Variants in SERPINI1 observed in about 807,000 individuals in gnomAD.
The protein encoded by SERPINI1 is serpin family I member 1, also known as neuroserpin.
A neutral mutation model predicts 41.1 loss-of-function variants in SERPINI1; 19 were observed. The observed-to-expected ratio is 0.46, with a 90% confidence interval of 0.32 to 0.68. The LOEUF (loss-of-function observed/expected upper bound fraction) is 0.68, where lower values mean the gene tolerates loss of function less well. Ranked by LOEUF, SERPINI1 falls within the 30% of genes least tolerant of loss-of-function variation. The pLI is 0.03. For synonymous variants in SERPINI1, 138 were observed against 156.6 expected, an observed-to-expected ratio of 0.88 and a Z score of 0.89; for missense variants, 460 against 479.2, an observed-to-expected ratio of 0.96 and a Z score of 0.37.
chr3:167,791,376 C>G (rs185590599), intron 3 of SERPINI1, among the ~76,000 whole-genome samples: 2 of 152,090 alleles, frequency 1.3e-5, no homozygotes, highest in African/African-American at 4.8e-5. Context: ...TGAACAGATA[C>G]TCAATATCCC....
At chr3:167,772,856 CTCTCTCTCTATATATA>C (rs1417286707) in intron 1 of SERPINI1, among the ~76,000 whole-genome samples, 1 of 26,288 alleles carries the variant, frequency 3.8e-5, no homozygotes, top group African/African-American at 1.5e-4. Context: ...CTCTCTCTCT[CTCTCTCTCTATATATA>C]TATATATATA....
chr3:167,740,014 C>T (rs1281428964), intron 1 of SERPINI1, among the ~76,000 whole-genome samples: 1 of 131,182 alleles, frequency 7.6e-6, no homozygotes, highest in Non-Finnish European at 1.6e-5. Flanking sequence ...ATTAACCTGC[C>T]TTTTTCTTTT....
intron 1 of SERPINI1, among the ~76,000 whole-genome samples, chr3:167,780,958 T>C (rs1177432669): frequency 6.6e-6 from 1 of 152,154 alleles, no homozygotes; most frequent in Non-Finnish European, 1.5e-5. Context: ...TAATTGTCTG[T>C]GTGATGATCA....
chr3:167,791,492 A>T (rs1560009472), intron 3 of SERPINI1, among the ~76,000 whole-genome samples: 2 of 152,266 alleles, frequency 1.3e-5, no homozygotes, highest in African/African-American at 2.4e-5. Flanking sequence ...CTATGAGATT[A>T]AAAAAAGATG....
rs566381455 is a variant in SERPINI1, at chr3:167,792,674, A to C, written c.566A>C (p.Asn189Thr). Reference sequence around the variant, plus strand: ...ATTAATGCTGTCTATTTCAAGGGGAACTGGAAGTCGCAGTTTAGGCCTGAA... The same window carrying C: ...ATTAATGCTGTCTATTTCAAGGGGACCTGGAAGTCGCAGTTTAGGCCTGAA... ...ALINAVYFKG[N>T]WKSQFRPENT... Residue 189 changes from asparagine to threonine, a missense_variant, in exon 4 of 9, where the codon AAC (asparagine) becomes ACC (threonine). Asn to Thr is a moderately conservative substitution (Grantham distance 65). Coordinates refer to ENST00000446050, the MANE Select transcript of SERPINI1 (RefSeq NM_001122752.2). The C allele has an allele frequency of 6.2e-7, 1 of 1,613,800 alleles. No individual in the cohort carries two copies. Among genetic ancestry groups the C allele is most frequent in the Non-Finnish European group, 8.5e-7 (1 of 1,179,878 alleles).
At chr3:167,786,209 T>A (rs1727300599) in intron 1 of SERPINI1, among the ~76,000 whole-genome samples, 1 of 152,024 alleles carries the variant, frequency 6.6e-6, no homozygotes, top group Admixed American at 6.6e-5. Flanking sequence ...GATATAAGAC[T>A]TGGAGAAGAT....
chr3:167,821,198 G>A (rs1322832576), intron 6 of SERPINI1, among the ~76,000 whole-genome samples: 1 of 152,166 alleles, frequency 6.6e-6, no homozygotes, highest in Non-Finnish European at 1.5e-5. Context: ...CAAATGGCAG[G>A]ACTGAAAGAG....
At chr3:167,797,294 T>C (rs890527285) in intron 5 of SERPINI1, among the ~76,000 whole-genome samples, 4 of 152,162 alleles carry the variant, frequency 2.6e-5, no homozygotes, top group South Asian at 2.1e-4. Flanking sequence ...TTTCTGTAGG[T>C]TTTCTGTTCA....
At chr3:167,774,969 A>G (rs1303676343) in intron 1 of SERPINI1, among the ~76,000 whole-genome samples, 1 of 152,142 alleles carries the variant, frequency 6.6e-6, no homozygotes, top group Non-Finnish European at 1.5e-5. Flanking sequence ...AGCTACAAAT[A>G]TAATACAAAT....
chr3:167,790,263 A>G, intron 2 of SERPINI1, 109 bp from the exon 3 acceptor site: 1 of 770,382 alleles, frequency 1.3e-6, no homozygotes, highest in South Asian at 1.5e-5. Context: ...CTTTTCCCCC[A>G]GGTGCCTGTT....
intron 1 of SERPINI1, among the ~76,000 whole-genome samples, chr3:167,759,681 A>G (rs1392189000): frequency 6.6e-6 from 1 of 152,056 alleles, no homozygotes; most frequent in African/African-American, 2.4e-5. Context: ...TACAATGTTC[A>G]CTATTTGGGT....
At chr3:167,819,657 A>G (rs1712242815) in intron 6 of SERPINI1, among the ~76,000 whole-genome samples, 1 of 152,236 alleles carries the variant, frequency 6.6e-6, no homozygotes, top group Non-Finnish European at 1.5e-5. Context: ...GGTCCTCTGT[A>G]ACAGATGTAC....
At chr3:167,796,848 T>C (rs1056459842) in intron 5 of SERPINI1, among the ~76,000 whole-genome samples, 3 of 152,180 alleles carry the variant, frequency 2.0e-5, no homozygotes, top group Non-Finnish European at 1.5e-5. Flanking sequence ...ATCTTTATAA[T>C]AGAATGATTT....
chr3:167,787,193 C>G (rs995279062), intron 1 of SERPINI1, among the ~76,000 whole-genome samples: 1 of 152,144 alleles, frequency 6.6e-6, no homozygotes, highest in Non-Finnish European at 1.5e-5. Context: ...GGCAATAACA[C>G]CCATGGAGCT....
intron 1 of SERPINI1, among the ~76,000 whole-genome samples, chr3:167,772,895 C>CATATATATATATATAT (rs1338559053): frequency 1.5e-4 from 5 of 34,372 alleles, no homozygotes; most frequent in African/African-American, 8.4e-4. Context: ...TATATATATA[C>CATATATATATATATAT]ACACACACAC....
intron 1 of SERPINI1, among the ~76,000 whole-genome samples, chr3:167,759,639 AG>A (rs1405317358): frequency 2.0e-5 from 3 of 152,054 alleles, no homozygotes; most frequent in African/African-American, 7.2e-5. Flanking sequence ...GGAAGGTGAA[AG>A]GGGGTGAGTG....
At chr3:167,742,372 G>A (rs1192613151) in intron 1 of SERPINI1, among the ~76,000 whole-genome samples, 3 of 152,162 alleles carry the variant, frequency 2.0e-5, no homozygotes, top group Non-Finnish European at 4.4e-5. Flanking sequence ...TATTTTTCCA[G>A]AACAAGAAGT....
At chr3:167,811,045 T>C (rs1280124639) in intron 6 of SERPINI1, among the ~76,000 whole-genome samples, 1 of 152,062 alleles carries the variant, frequency 6.6e-6, no homozygotes, top group Non-Finnish European at 1.5e-5. Flanking sequence ...CAAGTTCTCT[T>C]GCTGTTTCTA....
intron 1 of SERPINI1, among the ~76,000 whole-genome samples, chr3:167,761,034 C>G (rs942132985): frequency 6.6e-6 from 1 of 152,150 alleles, no homozygotes; most frequent in Non-Finnish European, 1.5e-5. Context: ...TATATAAGAA[C>G]CTTTAACCTA....
Sources: gnomAD v4.1 joint callset for allele counts (sites outside exome capture counted in the v4.1 genomes callset) on GRCh38, gnomAD v4.1.1 for gene constraint, MANE v1.5 for transcripts, NCBI Gene and HGNC (gene_info 2026-07-23, HGNC 2026-07-21) for gene names.